CFH: variants seen among roughly 807,000 people sequenced by gnomAD.
The protein encoded by CFH is complement factor H.
Under a neutral mutation model 147.3 loss-of-function variants are expected in CFH, and 53 were observed. The ratio of observed to expected loss-of-function variants is 0.36; its 90% confidence interval spans 0.29 to 0.45. The LOEUF is 0.45. Among genes scored for constraint, CFH ranks in the 20% least tolerant of loss-of-function variants. The pLI is 1.00. For synonymous variants in CFH, 536 were observed against 489.4 expected (o/e 1.10, Z -1.26); for missense variants, 1,380 against 1,498.0 (o/e 0.92, Z 1.30).
chr1:196,718,538 G>C (rs1668925108), intron 11 of CFH, among the ~76,000 whole-genome samples: 2 of 152,050 alleles, frequency 1.3e-5, no homozygotes, highest in Non-Finnish European at 2.9e-5. Context: ...AGTAGGCATG[G>C]ATCATAAAGA....
At chr1:196,733,080 G>T (rs1364107005) in intron 15 of CFH, among the ~76,000 whole-genome samples, 1 of 152,022 alleles carries the variant, frequency 6.6e-6, no homozygotes, top group African/African-American at 2.4e-5. Context: ...AGCTATAGAA[G>T]TGATGACCTT....
At chr1:196,663,702 C>A (rs1298366368) in intron 1 of CFH, among the ~76,000 whole-genome samples, 1 of 152,132 alleles carries the variant, frequency 6.6e-6, no homozygotes, top group African/African-American at 2.4e-5. Context: ...GAAGAACTTT[C>A]AGTGTGAGAC....
rs548177541 is a variant in CFH, at chr1:196,699,981, T to C, written c.1336+9742T>C. ...TCTTTGTTCTTTTTCTGTTCTTTAG[T>C]TAAAATTTAAGACAATATGAGATGA... On this transcript the variant is annotated intron_variant, in intron 9 of 21. Coordinates refer to ENST00000367429, the MANE Select transcript of CFH (RefSeq NM_000186.4). Among the ~76,000 whole-genome samples, 4 of 152,268 alleles carry C rather than the reference T, an allele frequency of 2.6e-5. No homozygotes were observed. In the South Asian group the frequency reaches 6.2e-4, roughly 24 times the overall value.
At chr1:196,669,758 G>A (rs1667214863) in intron 1 of CFH, among the ~76,000 whole-genome samples, 1 of 152,192 alleles carries the variant, frequency 6.6e-6, no homozygotes, top group Non-Finnish European at 1.5e-5. Context: ...TAGGATTGGA[G>A]CCCCCACACA....
chr1:196,739,555 T>C (rs949572144), intron 17 of CFH, among the ~76,000 whole-genome samples: 2 of 152,092 alleles, frequency 1.3e-5, no homozygotes, highest in Non-Finnish European at 2.9e-5. Context: ...CTCATCTTCA[T>C]CTGTGACCAC....
rs1397114211 is a variant in CFH at position 196,683,748 on chromosome 1, T to A, written c.791-1316T>A. Among the ~76,000 whole-genome samples the A allele has an allele frequency of 2.6e-5, 4 of 151,876 alleles. No individual in the cohort carries two copies. The East Asian group carries it at 5.8e-4, about 22-fold the overall frequency. On this transcript the variant is annotated intron_variant, in intron 6 of 21. Coordinates refer to ENST00000367429, the MANE Select transcript of CFH (RefSeq NM_000186.4). ...CTTAAATCAGTATAGATACAGATAATGTTGAGGAGTGCTGGAAAGAAGTAT... is the reference window on the plus strand; with the variant it reads ...CTTAAATCAGTATAGATACAGATAAAGTTGAGGAGTGCTGGAAAGAAGTAT...
At chr1:196,685,364 A>C (rs1029497211) in intron 7 of CFH, 127 bp downstream of exon 7, 4 of 1,010,648 alleles carry the variant, frequency 4.0e-6, no homozygotes, top group African/African-American at 3.3e-5. Flanking sequence ...TGTTGGAAGC[A>C]TTCTTTAGTT....
At chr1:196,727,585 A>G (rs1669176474) in intron 14 of CFH, among the ~76,000 whole-genome samples, 1 of 152,152 alleles carries the variant, frequency 6.6e-6, no homozygotes, top group South Asian at 2.1e-4. Flanking sequence ...TAAAATATAA[A>G]TATTATTGTT....
chr1:196,674,072 A>C, intron 3 of CFH, 110 bp downstream of exon 3: 1 of 746,838 alleles, frequency 1.3e-6, no homozygotes. Context: ...TTAAAAAAGT[A>C]ATACACAAGT....
intron 1 of CFH, among the ~76,000 whole-genome samples, chr1:196,656,961 TGTTAA>T (rs895022399): frequency 5.9e-5 from 9 of 152,046 alleles, no homozygotes; most frequent in Admixed American, 3.9e-4. Flanking sequence ...CTCTTTTCAC[TGTTAA>T]GTTGTTTGTT....
intron 9 of CFH, among the ~76,000 whole-genome samples, chr1:196,711,718 C>T (rs1466400340): frequency 2.6e-5 from 4 of 151,998 alleles, no homozygotes; most frequent in South Asian, 4.1e-4. Flanking sequence ...GATGTTCAAA[C>T]GAGTCTTTCT....
At chr1:196,738,484 G>A (rs939319552) in intron 17 of CFH, among the ~76,000 whole-genome samples, 4 of 152,174 alleles carry the variant, frequency 2.6e-5, no homozygotes, top group East Asian at 1.9e-4. Flanking sequence ...TTGGGTAAAT[G>A]CTTCCATTCC....
intron 14 of CFH, 56 bp from the exon 15 acceptor site, chr1:196,728,290 A>G: frequency 2.6e-6 from 3 of 1,138,912 alleles, no homozygotes; most frequent in Non-Finnish European, 3.7e-6. Flanking sequence ...TTTTTATGTA[A>G]TAGTTGGTTT....
chr1:196,740,511 G>T, intron 17 of CFH, 108 bp from the exon 18 acceptor site: 1 of 1,069,340 alleles, frequency 9.4e-7, no homozygotes. Flanking sequence ...TGATGTCATA[G>T]TAGCTCCTGT....
At chr1:196,710,136 C>T (rs2772039) in intron 9 of CFH, among the ~76,000 whole-genome samples, 2 of 152,066 alleles carry the variant, frequency 1.3e-5, no homozygotes, top group Admixed American at 6.6e-5. Flanking sequence ...ATCCTGGTGA[C>T]TTCATCCCCC....
chr1:196,692,809 TC>T (rs1277565475), intron 9 of CFH, among the ~76,000 whole-genome samples: 3,540 of 86,288 alleles, frequency 0.041, 308 homozygotes, highest in East Asian at 0.13. Flanking sequence ...TTTCTTTCTT[TC>T]TTTCTTTCTT....
chr1:196,686,136 G>A (rs1352568047), intron 7 of CFH, among the ~76,000 whole-genome samples: 2 of 151,998 alleles, frequency 1.3e-5, no homozygotes, highest in Non-Finnish European at 2.9e-5. Context: ...AAACAGCAAG[G>A]GGGAGATCCA....
At chr1:196,673,782 C>T in intron 2 of CFH, 75 bp from the exon 3 acceptor site, 1 of 889,376 alleles carries the variant, frequency 1.1e-6, no homozygotes, top group South Asian at 1.3e-5. Flanking sequence ...ATCAAATATA[C>T]TTGTTCCCCC....
At chr1:196,714,684 G>GAA (rs1668820876) in intron 10 of CFH, among the ~76,000 whole-genome samples, 1 of 82,906 alleles carries the variant, frequency 1.2e-5, no homozygotes, top group Admixed American at 1.4e-4. Context: ...GAGAGAGAGA[G>GAA]AGAGAGAGAG....
Sources: allele counts gnomAD v4.1 joint callset (sites outside exome capture counted in the v4.1 genomes callset), GRCh38; gene constraint gnomAD v4.1.1; transcripts MANE v1.5; gene names NCBI Gene and HGNC (gene_info 2026-07-23, HGNC 2026-07-21).